The following ETV6 variants were observed in gnomAD, a reference collection of about 807,000 sequenced individuals.
ETV6 encodes transcription factor ETV6.
Under a neutral mutation model 51.1 loss-of-function variants are expected in ETV6, and 16 were observed. The ratio of observed to expected loss-of-function variants is 0.31; its 90% CI spans 0.21 to 0.48. The LOEUF (loss-of-function observed/expected upper bound fraction) is 0.48, where lower values mean the gene tolerates loss of function less well. Ranked by LOEUF, ETV6 falls within the 20% of genes least tolerant of loss-of-function variation. ETV6 has a pLI of 0.99. For missense variants in ETV6, 458 were observed against 594.8 expected (o/e 0.77, Z 2.39); for synonymous variants, 240 against 224.1 (o/e 1.07, Z -0.64).
intron 1 of ETV6, among the ~76,000 whole-genome samples, chr12:11,670,949 G>T (rs139211702): frequency 6.6e-6 from 1 of 152,106 alleles, no homozygotes. Flanking sequence ...TTTGGAGAGG[G>T]ATATTAAGTG....
At chr12:11,691,018 G>T (rs965963735) in intron 1 of ETV6, among the ~76,000 whole-genome samples, 1 of 152,020 alleles carries the variant, frequency 6.6e-6, no homozygotes, top group Non-Finnish European at 1.5e-5. Context: ...GATTCTTTCC[G>T]TCTGGAGGCT....
chr12:11,664,503 G>A (rs930231639), intron 1 of ETV6, among the ~76,000 whole-genome samples: 6 of 152,046 alleles, frequency 3.9e-5, no homozygotes, highest in Admixed American at 3.9e-4. Context: ...GGGGAGAACC[G>A]CCAAAAGAAG....
intron 4 of ETV6, among the ~76,000 whole-genome samples, chr12:11,865,694 G>GGT (rs896107651): frequency 4.1e-5 from 6 of 147,490 alleles, no homozygotes; most frequent in Admixed American, 3.4e-4. Context: ...TAGTATATAT[G>GGT]GTGTGTGTGT....
At chr12:11,687,091 G>A (rs1864645378) in intron 1 of ETV6, among the ~76,000 whole-genome samples, 2 of 152,068 alleles carry the variant, frequency 1.3e-5, no homozygotes, top group East Asian at 1.9e-4. Flanking sequence ...TCACCATGTT[G>A]GTGAGGCTGG....
At chr12:11,779,793 G>T (rs1402582031) in intron 2 of ETV6, among the ~76,000 whole-genome samples, 1 of 152,170 alleles carries the variant, frequency 6.6e-6, no homozygotes. Context: ...TATAGACGGT[G>T]CTCACTGTGA....
chr12:11,742,359 T>C (rs984542357), intron 1 of ETV6, among the ~76,000 whole-genome samples: 8 of 152,238 alleles, frequency 5.3e-5, no homozygotes, highest in Non-Finnish European at 1.2e-4. Context: ...ATGACCACAA[T>C]GAAGGGAATG....
chr12:11,886,365 G>A (rs749706978), intron 7 of ETV6, among the ~76,000 whole-genome samples: 4 of 151,926 alleles, frequency 2.6e-5, no homozygotes, highest in Non-Finnish European at 5.9e-5. Context: ...AGACTTCCAG[G>A]TTACCATCGC....
chr12:11,779,890 C>T (rs939258712), intron 2 of ETV6, among the ~76,000 whole-genome samples: 1 of 152,176 alleles, frequency 6.6e-6, no homozygotes, highest in Non-Finnish European at 1.5e-5. Context: ...TTCCCTTCTG[C>T]ATTTGCCTAG....
chr12:11,653,063 C>CA (rs1038788386), intron 1 of ETV6, among the ~76,000 whole-genome samples: 2 of 151,732 alleles, frequency 1.3e-5, no homozygotes, highest in African/African-American at 2.4e-5. Flanking sequence ...GTCTGTCCTA[C>CA]AACCCTTGAA....
intron 1 of ETV6, among the ~76,000 whole-genome samples, chr12:11,748,888 AT>A (rs199998816): frequency 6.6e-5 from 10 of 152,022 alleles, no homozygotes; most frequent in East Asian, 3.9e-4. Context: ...ATACTTCATT[AT>A]TTTTTTTAAA....
At chr12:11,705,001 A>G (rs547498476) in intron 1 of ETV6, among the ~76,000 whole-genome samples, 114 of 152,320 alleles carry the variant, frequency 7.5e-4, no homozygotes, top group African/African-American at 2.6e-3. Flanking sequence ...TAAAAGCTCA[A>G]ATACAGAGAC....
chr12:11,869,445 C>A lies in ETV6; in HGVS notation c.485C>A (p.Pro162His), dbSNP rs760628839. ...ACAGATAACTGTGTCCAGAGGACCC[C>A]CAGGCCATCCGTGGATAATGTGCAC... The part of the protein sequence containing the change: ...HEEDNCVQRT[P>H]RPSVDNVHHN... The change falls in exon 5 of 8, where the codon CCC becomes CAC. Residue 162 changes from proline to histidine, a missense_variant. Physicochemically the swap from Pro to His is moderately conservative, Grantham distance 77. Coordinates refer to ENST00000396373, the MANE Select transcript of ETV6 (RefSeq NM_001987.5). This position sits in a 1 kb window ranked among gnomAD's most constrained non-coding sequence, Gnocchi z 5.0. The A allele has an allele frequency of 3.1e-6, 5 of 1,612,204 alleles. No individual in the cohort carries two copies. In the Admixed American group the frequency reaches 8.3e-5, roughly 27 times the overall value.
intron 2 of ETV6, among the ~76,000 whole-genome samples, chr12:11,757,764 G>T (rs1945028426): frequency 6.6e-6 from 1 of 152,200 alleles, no homozygotes. Context: ...ACAGGTGCAG[G>T]GACTGGGACC....
intron 5 of ETV6, among the ~76,000 whole-genome samples, chr12:11,871,347 C>G (rs1946878933): frequency 6.6e-6 from 1 of 152,062 alleles, no homozygotes; most frequent in African/African-American, 2.4e-5. Flanking sequence ...CGCCACCATG[C>G]CCGGCTAATT....
chr12:11,832,348 A>G lies in ETV6; in HGVS notation c.164-6792A>G, dbSNP rs920729520. 2.6e-5 allele frequency among the ~76,000 whole-genome samples: 4 copies of G among 152,340 alleles called. No individual in the cohort carries two copies. The East Asian group carries it at 7.7e-4, about 29-fold the overall frequency. ...GCCTGAGATGGGTGAATTGATTGTA[A>G]AAGCAAACTAAGTTCTGAATAAATG... On this transcript the variant is annotated intron_variant, in intron 2 of 7. Transcript: ENST00000396373.
chr12:11,685,719 G>C (rs1864617016), intron 1 of ETV6, among the ~76,000 whole-genome samples: 1 of 152,158 alleles, frequency 6.6e-6, no homozygotes, highest in Admixed American at 6.5e-5. Flanking sequence ...TAGCAAATTA[G>C]AGTACATTCT....
chr12:11,851,205 C>T (rs1425410697), intron 3 of ETV6, among the ~76,000 whole-genome samples: 1 of 151,144 alleles, frequency 6.6e-6, no homozygotes, highest in Non-Finnish European at 1.5e-5. Context: ...CTGGCCTCCC[C>T]TTCCAAAATG....
At chr12:11,825,031 A>T (rs1946132794) in intron 2 of ETV6, among the ~76,000 whole-genome samples, 1 of 152,264 alleles carries the variant, frequency 6.6e-6, no homozygotes, top group Admixed American at 6.5e-5. Context: ...ATAAAGGAAC[A>T]GAAGGAGCAG....
intron 3 of ETV6, among the ~76,000 whole-genome samples, chr12:11,847,236 T>C (rs1217844942): frequency 6.6e-6 from 1 of 152,246 alleles, no homozygotes; most frequent in Non-Finnish European, 1.5e-5. Flanking sequence ...CCCAGGTTTC[T>C]GGTCTGATCA....
Sources: gnomAD v4.1 joint callset for allele counts (sites outside exome capture counted in the v4.1 genomes callset) on GRCh38, gnomAD v4.1.1 for gene constraint, Gnocchi (gnomAD v3.1) non-coding constraint, MANE v1.5 for transcripts, NCBI Gene and HGNC (gene_info 2026-07-23, HGNC 2026-07-21) for gene names.